The following GREB1L variants were observed in gnomAD, a reference collection of about 807,000 sequenced individuals.
The protein encoded by GREB1L is GREB1-like protein.
GREB1L carries 17 observed loss-of-function variants against 200.8 expected under a neutral mutation model. The ratio of observed to expected loss-of-function variants is 0.08; its 90% CI spans 0.06 to 0.13. The LOEUF is 0.13. GREB1L is among the 10% of genes least tolerant of loss of function. The pLI, the probability that GREB1L is intolerant of heterozygous loss-of-function variation, is 1.00. For synonymous variants in GREB1L, 789 were observed against 893.0 expected (o/e 0.88, Z 2.08); for missense variants, 1,657 against 2,367.7 (o/e 0.70, Z 6.23).
chr18:21,496,734 A>G (rs558719500), intron 21 of GREB1L, 36 bp downstream of exon 21: 1 of 1,544,772 alleles, frequency 6.5e-7, no homozygotes, highest in East Asian at 2.4e-5. Context: ...GGAGTGAGAG[A>G]CATGAGTCAG....
intron 12 of GREB1L, 23 bp from the exon 13 acceptor site, chr18:21,451,000 C>A: frequency 1.9e-6 from 3 of 1,549,810 alleles, no homozygotes; most frequent in Non-Finnish European, 2.6e-6. Context: ...GATGAGTCTT[C>A]TCTTCTCTCC....
intron 23 of GREB1L, among the ~76,000 whole-genome samples, chr18:21,502,030 G>A (rs2036816240): frequency 6.6e-6 from 1 of 152,180 alleles, no homozygotes; most frequent in African/African-American, 2.4e-5. Context: ...GGAGGCCAAG[G>A]CGGGCGGATC....
intron 1 of GREB1L, among the ~76,000 whole-genome samples, chr18:21,293,902 C>G (rs2038488790): frequency 6.6e-6 from 1 of 152,180 alleles, no homozygotes; most frequent in Non-Finnish European, 1.5e-5. Context: ...ACCTCAGCCT[C>G]CCGAGCAGCT....
rs530193548 is a variant in GREB1L at position 21,276,421 on chromosome 18, C to A, written c.-120+34028C>A. Among the ~76,000 whole-genome samples, 6 of 152,324 alleles carry A rather than the reference C, an allele frequency of 3.9e-5. No homozygotes were observed. In the South Asian group the frequency reaches 1.2e-3, roughly 32 times the overall value. On this transcript the variant is annotated intron_variant, in intron 1 of 32. Coordinates refer to ENST00000424526, the MANE Select transcript of GREB1L (RefSeq NM_001142966.3). ...CACCCGTTCTACATTCACGGTCTCT[C>A]CCCTGGGCTGGGAACGCTGCCCTGA...
intron 4 of GREB1L, chr18:21,387,590 AAAAG>A (rs2040598861): frequency 6.6e-6 from 1 of 152,228 alleles, no homozygotes; most frequent in African/African-American, 2.4e-5. Flanking sequence ...CGTAGCCTCT[AAAAG>A]AAAGATCACA....
In GREB1L at chr18:21,499,847, C is replaced by T. The variant is rs1337436626; in HGVS notation, c.3510C>T (p.Ser1170=). The T allele has an allele frequency of 8.4e-6, 13 of 1,551,380 alleles. 1 individual carries two copies. Among genetic ancestry groups the T allele is most frequent in the South Asian group, 6.0e-5 (5 of 84,008 alleles). ...GCTTGGGGCTGGATGAAGGGGTCTC[C>T]GCCAGCTCAGCTGGAGCCGGAGCCG... ...ATSLGLDEGV[S]ASSAGAGAGE... The change falls in exon 22 of 33, where the codon TCC becomes TCT. Residue 1170 remains serine, a synonymous_variant. Coordinates refer to ENST00000424526, the MANE Select transcript of GREB1L (RefSeq NM_001142966.3).
At chr18:21,299,017 C>A (rs2038574657) in intron 1 of GREB1L, among the ~76,000 whole-genome samples, 1 of 152,096 alleles carries the variant, frequency 6.6e-6, no homozygotes, top group African/African-American at 2.4e-5. Flanking sequence ...GTGCCTTACG[C>A]CTGTAATCCC....
At chr18:21,492,952 T>C (rs2036398915) in intron 19 of GREB1L, among the ~76,000 whole-genome samples, 1 of 152,100 alleles carries the variant, frequency 6.6e-6, no homozygotes, top group Admixed American at 6.6e-5. Context: ...CCCTGTCTCT[T>C]AAAAATATAT....
chr18:21,350,530 C>T (rs116283248), intron 1 of GREB1L, among the ~76,000 whole-genome samples: 12 of 152,196 alleles, frequency 7.9e-5, no homozygotes, highest in African/African-American at 2.2e-4. Flanking sequence ...TGAGCCGCTG[C>T]GCCCAGCTAG....
At chr18:21,272,695 A>G (rs541824264) in intron 1 of GREB1L, among the ~76,000 whole-genome samples, 1 of 152,330 alleles carries the variant, frequency 6.6e-6, no homozygotes, top group Non-Finnish European at 1.5e-5. Flanking sequence ...CCTTAGCTGT[A>G]ATAACTGGTT....
intron 27 of GREB1L, 123 bp downstream of exon 27, chr18:21,508,714 G>GCA: frequency 4.0e-5 from 13 of 321,016 alleles, no homozygotes; most frequent in Non-Finnish European, 6.3e-5. Flanking sequence ...ACCACTCTTC[G>GCA]GAAAAAAAAA....
At chr18:21,481,078 A>G (rs1466910326) in intron 17 of GREB1L, among the ~76,000 whole-genome samples, 2 of 152,180 alleles carry the variant, frequency 1.3e-5, no homozygotes, top group Admixed American at 6.5e-5. Context: ...CTAAGTCACT[A>G]TTATCCAGAG....
At chr18:21,417,635 A>G (rs746455565) in intron 7 of GREB1L, among the ~76,000 whole-genome samples, 72 of 152,210 alleles carry the variant, frequency 4.7e-4, no homozygotes, top group Non-Finnish European at 7.1e-4. Flanking sequence ...TGCTAAAGGA[A>G]GTCATTCAGA....
intron 1 of GREB1L, among the ~76,000 whole-genome samples, chr18:21,274,181 C>T (rs1256350140): frequency 6.6e-6 from 1 of 152,106 alleles, no homozygotes; most frequent in Non-Finnish European, 1.5e-5. Flanking sequence ...TAGCTGTATC[C>T]TCACATGGTA....
chr18:21,262,624 C>T (rs1209071625), intron 1 of GREB1L, among the ~76,000 whole-genome samples: 1 of 152,124 alleles, frequency 6.6e-6, no homozygotes, highest in Non-Finnish European at 1.5e-5. Context: ...TGTTTCTTAA[C>T]ATGATTTGGA....
At chr18:21,420,377 A>G (rs2032053315) in intron 7 of GREB1L, among the ~76,000 whole-genome samples, 1 of 151,672 alleles carries the variant, frequency 6.6e-6, no homozygotes, top group Admixed American at 6.6e-5. Context: ...CCATCTCGAA[A>G]AAAAAAAAAA....
Position 21,513,982 on chromosome 18 carries a change from T to C in GREB1L, c.4897T>C (p.Ser1633Pro), listed in dbSNP as rs1415865068. 2.6e-6 allele frequency: 4 copies of C among 1,551,316 alleles called. No individual in the cohort carries two copies. Among genetic ancestry groups the C allele is most frequent in the Non-Finnish European group, 3.5e-6 (4 of 1,146,842 alleles). The stretch of plus-strand genomic sequence containing the variant: ...GAACATTCACAGTGTTCAGGAGCCA[T>C]CCAGGTAGACTTCCAAGCTGGGGGC... ...LWNIHSVQEPSSQPMEVGVSS... is the reference protein window; with the variant it reads ...LWNIHSVQEPPSQPMEVGVSS... The change falls in exon 28 of 33, where the codon TCC becomes CCC. Residue 1633 changes from serine to proline, a missense_variant. Ser to Pro is a moderately conservative substitution (Grantham distance 74, BLOSUM62 -1). This residue lies in a region of GREB1L where 151 missense variants were observed against 309.6 expected (regional missense o/e 0.49). Transcript: ENST00000424526.
At chr18:21,514,883 C>T (rs1401090831) in intron 28 of GREB1L, among the ~76,000 whole-genome samples, 1 of 152,090 alleles carries the variant, frequency 6.6e-6, no homozygotes, top group Non-Finnish European at 1.5e-5. Context: ...GGGTGCTGGT[C>T]GGGGCATCTG....
chr18:21,467,782 T>C (rs1470884340), intron 15 of GREB1L, among the ~76,000 whole-genome samples: 1 of 152,128 alleles, frequency 6.6e-6, no homozygotes, highest in East Asian at 1.9e-4. Context: ...CCCAGCACTT[T>C]GGGAGGCCAA....
Sources: allele counts gnomAD v4.1 joint callset (sites outside exome capture counted in the v4.1 genomes callset), GRCh38; gene constraint gnomAD v4.1.1; regional missense constraint gnomAD v4.1.1; transcripts MANE v1.5; gene names NCBI Gene and HGNC (gene_info 2026-07-23, HGNC 2026-07-21).